The following RBM20 variants were observed in gnomAD, a reference collection of about 807,000 sequenced individuals.
RBM20 encodes the protein RNA binding motif protein 20.
In RBM20, 51 loss-of-function variants were observed where a neutral mutation model predicts 110.1. The ratio of observed to expected loss-of-function variants is 0.46; its 90% CI spans 0.37 to 0.59. The LOEUF (loss-of-function observed/expected upper bound fraction) is 0.59. RBM20 is among the 20% of genes least tolerant of loss of function. The pLI is 0.00. For missense variants in RBM20, 1,512 were observed against 1,574.9 expected (o/e 0.96, Z 0.68); for synonymous variants, 589 against 618.2 (o/e 0.95, Z 0.70).
intron 1 of RBM20, among the ~76,000 whole-genome samples, chr10:110,687,987 A>T (rs1862528978): frequency 6.9e-6 from 1 of 144,028 alleles, no homozygotes; most frequent in Non-Finnish European, 1.5e-5. Context: ...TGCTACTCCT[A>T]AATGGTTTTG....
intron 2 of RBM20, 128 bp from the exon 3 acceptor site, chr10:110,783,238 G>A: frequency 1.5e-6 from 1 of 665,148 alleles, no homozygotes. Context: ...GTGGAGGGAT[G>A]TGTCTGCAGG....
chr10:110,757,423 G>C (rs1330143834), intron 1 of RBM20, among the ~76,000 whole-genome samples: 2 of 152,160 alleles, frequency 1.3e-5, no homozygotes, highest in Non-Finnish European at 2.9e-5. Context: ...TTTAATTGAA[G>C]TAAATAGTAA....
chr10:110,685,069 C>G (rs531966492), intron 1 of RBM20, among the ~76,000 whole-genome samples: 8 of 152,190 alleles, frequency 5.3e-5, no homozygotes, highest in African/African-American at 1.7e-4. Flanking sequence ...ATTTGTAAAA[C>G]GAGGCGAATG....
At position 110,820,084 on chromosome 10, in the gene RBM20, G is replaced by A; in HGVS notation, c.2563G>A (p.Glu855Lys). ...TMAENEAGKE[E>K]QEGMEESPQS... The stretch of plus-strand genomic sequence containing the variant: ...TTCCTTTGATAAGGCTGGAAAAGAG[G>A]AACAGGAGGGCATGGAAGAAAGCCC... The change falls in exon 10 of 14, where the codon GAA becomes AAA. Residue 855 changes from glutamate to lysine, a missense_variant. Physicochemically the swap from Glu to Lys is moderately conservative, Grantham distance 56. Coordinates refer to ENST00000369519, the MANE Select transcript of RBM20 (RefSeq NM_001134363.3). 2 of 1,549,882 alleles carry A rather than the reference G, an allele frequency of 1.3e-6. No homozygotes were observed.
At chr10:110,666,884 CA>C (rs1240703800) in intron 1 of RBM20, among the ~76,000 whole-genome samples, 2 of 152,118 alleles carry the variant, frequency 1.3e-5, no homozygotes, top group Non-Finnish European at 2.9e-5. Context: ...AAACTGCCAC[CA>C]AAACATCAGA....
intron 1 of RBM20, among the ~76,000 whole-genome samples, chr10:110,705,252 T>C (rs1235108187): frequency 6.6e-6 from 1 of 152,164 alleles, no homozygotes; most frequent in Non-Finnish European, 1.5e-5. Flanking sequence ...ATGACAACAT[T>C]ATTTTCAATA....
Position 110,820,094 on chromosome 10 carries a change from G to A in RBM20, c.2573G>A (p.Gly858Asp). Residue 858 changes from glycine to aspartate, a missense_variant, in exon 10 of 14, where the codon GGC becomes GAC. Gly to Asp is a moderately conservative substitution (Grantham distance 94). This residue lies in a region of RBM20 where 1,149 missense variants were observed against 1,169.4 expected (regional missense o/e 0.98). Transcript: ENST00000369519. Reference protein sequence around the residue: ...ENEAGKEEQEGMEESPQSVGR... With the variant: ...ENEAGKEEQEDMEESPQSVGR... The stretch of plus-strand genomic sequence containing the variant: ...AAGGCTGGAAAAGAGGAACAGGAGG[G>A]CATGGAAGAAAGCCCTCAATCAGTG... 1.9e-6 allele frequency: 3 copies of A among 1,550,912 alleles called. No homozygotes were observed. The highest frequency in any genetic ancestry group is 2.4e-5 in the East Asian group (1 of 40,904).
intron 12 of RBM20, among the ~76,000 whole-genome samples, chr10:110,829,819 T>C (rs1429825837): frequency 6.6e-6 from 1 of 152,106 alleles, no homozygotes; most frequent in Admixed American, 6.5e-5. Flanking sequence ...GAAATTGCTG[T>C]TCCCCTGCCT....
At chr10:110,778,150 A>G (rs72823889) in intron 1 of RBM20, among the ~76,000 whole-genome samples, 13,583 of 152,208 alleles carry the variant, frequency 0.089, 803 homozygotes, top group Non-Finnish European at 0.13. Context: ...CGGCTCCCCA[A>G]AGGAGAACAG....
chr10:110,698,379 G>A (rs1399593669), intron 1 of RBM20, among the ~76,000 whole-genome samples: 6 of 152,306 alleles, frequency 3.9e-5, no homozygotes, highest in East Asian at 3.9e-4. Context: ...CTGTGATGGC[G>A]GCCCCTGGGG....
intron 1 of RBM20, among the ~76,000 whole-genome samples, chr10:110,672,084 C>T (rs1421214258): frequency 6.6e-6 from 1 of 152,112 alleles, no homozygotes; most frequent in African/African-American, 2.4e-5. Flanking sequence ...TGTCCGATGA[C>T]GGCTCTCGGA....
intron 1 of RBM20, among the ~76,000 whole-genome samples, chr10:110,726,797 A>G (rs1843564655): frequency 6.6e-6 from 1 of 152,196 alleles, no homozygotes; most frequent in Non-Finnish European, 1.5e-5. Flanking sequence ...ACAAATTAAA[A>G]TAAGCTGAGG....
At chr10:110,773,180 T>C (rs1844216535) in intron 1 of RBM20, among the ~76,000 whole-genome samples, 1 of 152,268 alleles carries the variant, frequency 6.6e-6, no homozygotes, top group Non-Finnish European at 1.5e-5. Context: ...ATTTTGTTGA[T>C]ATCAGTCCTA....
intron 1 of RBM20, among the ~76,000 whole-genome samples, chr10:110,680,631 T>G (rs11195262): frequency 6.6e-6 from 1 of 152,088 alleles, no homozygotes; most frequent in Admixed American, 6.5e-5. Flanking sequence ...GCGTGGGCTG[T>G]GGTGCGCTGT....
chr10:110,763,213 T>A (rs1274886858), intron 1 of RBM20, among the ~76,000 whole-genome samples: 1 of 152,056 alleles, frequency 6.6e-6, no homozygotes, highest in Admixed American at 6.6e-5. Context: ...TCACTTTGGT[T>A]TTTCAGTGCG....
chr10:110,718,861 C>A (rs947203581), intron 1 of RBM20, among the ~76,000 whole-genome samples: 5 of 152,068 alleles, frequency 3.3e-5, no homozygotes, highest in Admixed American at 1.3e-4. Flanking sequence ...AGTTATCCAC[C>A]CATCTCGGCC....
chr10:110,780,688 C>A, intron 1 of RBM20, 113 bp from the exon 2 acceptor site: 2 of 1,184,300 alleles, frequency 1.7e-6, no homozygotes, highest in Non-Finnish European at 2.3e-6. Context: ...TATGTGGGAC[C>A]AGTGTGGGAA....
intron 1 of RBM20, among the ~76,000 whole-genome samples, chr10:110,774,814 T>C (rs1844240104): frequency 6.6e-6 from 1 of 152,160 alleles, no homozygotes; most frequent in African/African-American, 2.4e-5. Flanking sequence ...ATGACTGTTG[T>C]GTTGTCATTG....
intron 3 of RBM20, among the ~76,000 whole-genome samples, 193 bp downstream of exon 3, chr10:110,783,620 A>G (rs1332586354): frequency 6.6e-6 from 1 of 152,244 alleles, no homozygotes; most frequent in Non-Finnish European, 1.5e-5. Flanking sequence ...AGAAAATTAC[A>G]GCATCCCTGG....
Sources: allele counts gnomAD v4.1 joint callset (sites outside exome capture counted in the v4.1 genomes callset), GRCh38; gene constraint gnomAD v4.1.1; regional missense constraint gnomAD v4.1.1; transcripts MANE v1.5; gene names NCBI Gene and HGNC (gene_info 2026-07-23, HGNC 2026-07-21).